Variants in COP1 observed in about 807,000 individuals in gnomAD.
The protein encoded by COP1 is COP1 E3 ubiquitin ligase, also known as E3 ubiquitin-protein ligase COP1.
A neutral mutation model predicts 101.3 loss-of-function variants in COP1; 24 were observed. That is an observed-to-expected ratio of 0.24 (90% CI 0.17 to 0.33). The LOEUF is 0.33. Among genes scored for constraint, COP1 ranks in the 10% least tolerant of loss-of-function variants. The pLI is 1.00. For missense variants in COP1, 663 were observed against 906.2 expected, an observed-to-expected ratio of 0.73 and a Z score of 3.45; for synonymous variants, 347 against 341.9, an observed-to-expected ratio of 1.01 and a Z score of -0.17.
chr1:176,201,719 T>C (rs1355075383), intron 1 of COP1, among the ~76,000 whole-genome samples: 1 of 152,230 alleles, frequency 6.6e-6, no homozygotes, highest in South Asian at 2.1e-4. Flanking sequence ...CCTGCTACCA[T>C]TGATGCTGAT....
At position 176,180,578 on chromosome 1, in the gene COP1, T is replaced by G. The variant is rs1697606430; in HGVS notation, c.467+4055A>C. On this transcript the variant is annotated intron_variant, in intron 2 of 19. Transcript: ENST00000367669. Reference sequence around the variant, plus strand: ...TCTGCTGATATAAATGTGTACCTATTTCCTCTATTAAATATGTATCTGCTA... The same window carrying G: ...TCTGCTGATATAAATGTGTACCTATGTCCTCTATTAAATATGTATCTGCTA... 3.9e-5 allele frequency among the ~76,000 whole-genome samples: 6 copies of G among 152,236 alleles called. 1 individual carries two copies. The South Asian group carries it at 1.2e-3, about 32-fold the overall frequency.
intron 11 of COP1, among the ~76,000 whole-genome samples, chr1:176,057,498 T>C (rs61820972): frequency 3.3e-5 from 5 of 151,898 alleles, no homozygotes; most frequent in African/African-American, 4.8e-5. Flanking sequence ...CCACGCCTGA[T>C]TGGTTTTCGT....
chr1:176,207,121 G>GTT lies in COP1; in HGVS notation c.-145_-144dup, dbSNP rs975480526. The stretch of plus-strand genomic sequence containing the variant: ...TGGGGCTGAGGAACAATAAAGTTGC[G>GTT]TTTTTTTTTAAGGCAGCCACACAAC... On this transcript the variant is annotated 5_prime_UTR_variant, in exon 1 of 20. Transcript: ENST00000367669. 54 of 586,968 alleles carry GTT rather than the reference G, an allele frequency of 9.2e-5. No homozygotes were observed. The highest frequency in any genetic ancestry group is 8.3e-4 in the African/African-American group (42 of 50,868). 36.4% of individuals were successfully genotyped at this position (586,968 alleles called of 1,614,324 possible).
chr1:175,997,092 C>A (rs920446962), intron 15 of COP1, among the ~76,000 whole-genome samples: 22 of 151,974 alleles, frequency 1.4e-4, no homozygotes, highest in African/African-American at 5.3e-4. Flanking sequence ...AGAAATAATG[C>A]CGCGTACCTA....
At chr1:176,191,691 G>T (rs1244636357) in intron 1 of COP1, among the ~76,000 whole-genome samples, 1 of 151,788 alleles carries the variant, frequency 6.6e-6, no homozygotes, top group Non-Finnish European at 1.5e-5. Flanking sequence ...TCCAGTCTAT[G>T]TCCCATCATC....
intron 15 of COP1, among the ~76,000 whole-genome samples, chr1:176,013,722 T>A (rs984778345): frequency 2.6e-5 from 4 of 152,218 alleles, no homozygotes; most frequent in Non-Finnish European, 2.9e-5. Context: ...CAAAAGGACC[T>A]TTTATAGCTG....
At chr1:176,098,314 T>C (rs976505945) in intron 9 of COP1, among the ~76,000 whole-genome samples, 12 of 152,340 alleles carry the variant, frequency 7.9e-5, no homozygotes, top group Admixed American at 5.2e-4. Context: ...ATTGAAACTA[T>C]TGGAAATAGA....
chr1:176,122,875 G>A (rs1433880524), intron 8 of COP1, among the ~76,000 whole-genome samples: 1 of 152,152 alleles, frequency 6.6e-6, no homozygotes, highest in Admixed American at 6.5e-5. Flanking sequence ...AGATGGAACA[G>A]GTCTGAGTCT....
intron 18 of COP1, among the ~76,000 whole-genome samples, chr1:175,960,425 T>C (rs1182356025): frequency 2.0e-5 from 3 of 152,184 alleles, no homozygotes; most frequent in African/African-American, 7.2e-5. Flanking sequence ...GTATGTATCT[T>C]ATAAGTGATC....
intron 9 of COP1, among the ~76,000 whole-genome samples, chr1:176,099,540 T>C (rs906412021): frequency 7.5e-5 from 11 of 146,144 alleles, no homozygotes; most frequent in African/African-American, 2.6e-4. Context: ...TCTCTCTCTC[T>C]CCCTGGCTTC....
intron 6 of COP1, among the ~76,000 whole-genome samples, chr1:176,139,410 C>G (rs999360313): frequency 6.6e-6 from 1 of 151,900 alleles, no homozygotes; most frequent in Admixed American, 6.6e-5. Flanking sequence ...GGAGATTTCT[C>G]AAAGAGCTTA....
At chr1:176,185,319 A>G (rs914194404) in intron 1 of COP1, among the ~76,000 whole-genome samples, 6 of 152,218 alleles carry the variant, frequency 3.9e-5, no homozygotes, top group African/African-American at 1.4e-4. Flanking sequence ...GAGAGCTGTT[A>G]AAGTCACACA....
At chr1:176,098,731 A>G (rs1273593159) in intron 9 of COP1, among the ~76,000 whole-genome samples, 6 of 152,222 alleles carry the variant, frequency 3.9e-5, no homozygotes, top group African/African-American at 9.6e-5. Context: ...GGCAAAATAA[A>G]TAACTTACCT....
At chr1:176,079,993 T>TA (rs566422234) in intron 11 of COP1, among the ~76,000 whole-genome samples, 156 of 146,294 alleles carry the variant, frequency 1.1e-3, no homozygotes, top group Middle Eastern at 3.5e-3. Flanking sequence ...CCCTGTCTCT[T>TA]AAAAAAAAAA....
intron 14 of COP1, among the ~76,000 whole-genome samples, chr1:176,042,840 C>T (rs1034043345): frequency 6.6e-6 from 1 of 150,990 alleles, no homozygotes; most frequent in Non-Finnish European, 1.5e-5. Flanking sequence ...ACCAGTCTGG[C>T]TAACATGTTG....
chr1:176,077,948 A>C (rs1678360691), intron 11 of COP1, among the ~76,000 whole-genome samples: 3 of 152,188 alleles, frequency 2.0e-5, no homozygotes, highest in Admixed American at 6.5e-5. Context: ...CAAGGAGGTG[A>C]AAAATCTCTA....
chr1:175,978,491 A>G (rs1655076066), intron 18 of COP1, among the ~76,000 whole-genome samples: 1 of 152,156 alleles, frequency 6.6e-6, no homozygotes, highest in African/African-American at 2.4e-5. Flanking sequence ...AAAACAAATT[A>G]CTAGGGTTGC....
At chr1:175,979,823 C>T (rs180867344) in intron 18 of COP1, among the ~76,000 whole-genome samples, 5 of 152,172 alleles carry the variant, frequency 3.3e-5, no homozygotes, top group Non-Finnish European at 7.4e-5. Context: ...TCTCCCAACT[C>T]CACTTCAGCA....
intron 19 of COP1, among the ~76,000 whole-genome samples, chr1:175,945,678 A>G (rs540238360): frequency 1.3e-5 from 2 of 152,344 alleles, no homozygotes; most frequent in African/African-American, 4.8e-5. Flanking sequence ...AAAGTAGTAT[A>G]CTGTCATAAA....
Sources: gnomAD v4.1 joint callset for allele counts (sites outside exome capture counted in the v4.1 genomes callset) on GRCh38, gnomAD v4.1.1 for gene constraint, MANE v1.5 for transcripts, NCBI Gene and HGNC (gene_info 2026-07-23, HGNC 2026-07-21) for gene names.